The following BTRC variants were observed in gnomAD, a reference collection of about 807,000 sequenced individuals.
BTRC encodes F-box/WD repeat-containing protein 1A.
Under a neutral mutation model 85.5 loss-of-function variants are expected in BTRC, and 42 were observed. That is an observed-to-expected ratio of 0.49 (90% CI 0.38 to 0.64). The LOEUF (loss-of-function observed/expected upper bound fraction) is 0.64, where lower values mean the gene tolerates loss of function less well. Ranked by LOEUF, BTRC falls within the 30% of genes least tolerant of loss-of-function variation. BTRC has a pLI of 0.00. For missense variants in BTRC, 594 were observed against 743.5 expected (o/e 0.80, Z 2.34); for synonymous variants, 255 against 263.3 (o/e 0.97, Z 0.30).
chr10:101,413,448 G>T (rs947330993), intron 1 of BTRC, among the ~76,000 whole-genome samples: 1 of 152,162 alleles, frequency 6.6e-6, no homozygotes, highest in Admixed American at 6.5e-5. Flanking sequence ...CGAGTAGCTG[G>T]GACTACAGGC....
chr10:101,525,394 T>A (rs1030728479), intron 5 of BTRC, among the ~76,000 whole-genome samples: 6 of 152,222 alleles, frequency 3.9e-5, no homozygotes, highest in Admixed American at 2.6e-4. Flanking sequence ...ATAGTTTTTT[T>A]AAATCTGAAA....
At chr10:101,432,839 C>T (rs923890289) in intron 2 of BTRC, among the ~76,000 whole-genome samples, 1 of 152,148 alleles carries the variant, frequency 6.6e-6, no homozygotes, top group Non-Finnish European at 1.5e-5. Context: ...TTACTGCCTC[C>T]CAGCCGCAGT....
At chr10:101,400,370 C>G (rs1943464322) in intron 1 of BTRC, among the ~76,000 whole-genome samples, 1 of 152,140 alleles carries the variant, frequency 6.6e-6, no homozygotes, top group Non-Finnish European at 1.5e-5. Flanking sequence ...AAGGAGTACC[C>G]AAGAGGGCTG....
intron 2 of BTRC, among the ~76,000 whole-genome samples, chr10:101,437,940 A>G (rs1363336054): frequency 6.6e-6 from 1 of 152,190 alleles, no homozygotes; most frequent in Admixed American, 6.5e-5. Flanking sequence ...CTAGAATTAA[A>G]GTCTTCCCTG....
chr10:101,474,251 T>C (rs1374320533), intron 3 of BTRC, among the ~76,000 whole-genome samples: 7 of 152,250 alleles, frequency 4.6e-5, no homozygotes, highest in Non-Finnish European at 4.4e-5. Flanking sequence ...ATTAAATTAC[T>C]GGCTGATCAC....
chr10:101,408,072 C>T (rs1943677292), intron 1 of BTRC, among the ~76,000 whole-genome samples: 1 of 152,070 alleles, frequency 6.6e-6, no homozygotes, highest in Non-Finnish European at 1.5e-5. Flanking sequence ...TTAGATATTT[C>T]ACTTTTTTGT....
intron 2 of BTRC, among the ~76,000 whole-genome samples, chr10:101,461,365 T>G (rs4244344): frequency 0.033 from 5,004 of 152,224 alleles, 103 homozygotes; most frequent in East Asian, 0.11. Context: ...TCATTTTCAG[T>G]TGGATTGTTG....
intron 1 of BTRC, among the ~76,000 whole-genome samples, chr10:101,360,160 T>A (rs893844196): frequency 2.0e-5 from 3 of 151,874 alleles, no homozygotes; most frequent in Non-Finnish European, 4.4e-5. Flanking sequence ...GTTCAAGCAA[T>A]TCTTGTGCCT....
At chr10:101,542,945 C>T (rs1278279821) in intron 13 of BTRC, among the ~76,000 whole-genome samples, 1 of 152,126 alleles carries the variant, frequency 6.6e-6, no homozygotes, top group Non-Finnish European at 1.5e-5. Flanking sequence ...GGCACGATGT[C>T]GGCTCACTGC....
chr10:101,384,825 G>A (rs1564740329), intron 1 of BTRC, among the ~76,000 whole-genome samples: 1 of 152,168 alleles, frequency 6.6e-6, no homozygotes, highest in African/African-American at 2.4e-5. Flanking sequence ...TAAAAGATAG[G>A]AAGATCAACT....
At position 101,370,605 on chromosome 10, in the gene BTRC, T is replaced by TTCCC. The variant is rs889377423; in HGVS notation, c.48+16395_48+16398dup. ...GCTTATCCCAAGATCATACAGATCC[T>TTCCC]TCCCTCCCTCCCTCCCTCCCTTTCT... On this transcript the variant is annotated intron_variant, in intron 1 of 14. Transcript: ENST00000370187. 1.1e-4 allele frequency among the ~76,000 whole-genome samples: 16 copies of TTCCC among 151,482 alleles called. 1 individual carries two copies. Among genetic ancestry groups the TTCCC allele is most frequent in the Non-Finnish European group, 1.5e-4 (10 of 67,854 alleles).
chr10:101,364,063 C>T (rs1942293491), intron 1 of BTRC, among the ~76,000 whole-genome samples: 1 of 151,988 alleles, frequency 6.6e-6, no homozygotes, highest in South Asian at 2.1e-4. Context: ...GTAACTTGCA[C>T]AATACTATAG....
At chr10:101,511,722 A>G (rs2061957401) in intron 4 of BTRC, among the ~76,000 whole-genome samples, 2 of 152,260 alleles carry the variant, frequency 1.3e-5, no homozygotes, top group South Asian at 2.1e-4. Context: ...GGATTTCGCT[A>G]TGTATGCCTG....
intron 13 of BTRC, among the ~76,000 whole-genome samples, chr10:101,548,336 C>A (rs142019282): frequency 4.2e-4 from 64 of 152,234 alleles, no homozygotes; most frequent in African/African-American, 1.5e-3. Context: ...CTATGTCCAC[C>A]AACAAGAGAA....
At chr10:101,524,147 A>G (rs1033149755) in intron 5 of BTRC, among the ~76,000 whole-genome samples, 1 of 152,198 alleles carries the variant, frequency 6.6e-6, no homozygotes, top group Non-Finnish European at 1.5e-5. Flanking sequence ...AAAACAAAAG[A>G]AGTACCTATT....
chr10:101,537,204 T>A (rs1003583767), intron 12 of BTRC, among the ~76,000 whole-genome samples: 1 of 152,216 alleles, frequency 6.6e-6, no homozygotes, highest in Non-Finnish European at 1.5e-5. Flanking sequence ...ATGGACCCCA[T>A]GTCCACCAAT....
chr10:101,436,240 A>T (rs1025593333), intron 2 of BTRC, among the ~76,000 whole-genome samples: 5 of 152,214 alleles, frequency 3.3e-5, no homozygotes, highest in Non-Finnish European at 5.9e-5. Flanking sequence ...CTATAATATT[A>T]AATGAGAATG....
intron 3 of BTRC, among the ~76,000 whole-genome samples, chr10:101,475,567 C>A (rs1345510104): frequency 6.6e-6 from 1 of 150,478 alleles, no homozygotes; most frequent in African/African-American, 2.4e-5. Flanking sequence ...AAAAACAGAA[C>A]TGACTTTATA....
intron 3 of BTRC, among the ~76,000 whole-genome samples, chr10:101,472,905 G>C (rs1193871691): frequency 6.6e-6 from 1 of 152,062 alleles, no homozygotes; most frequent in Admixed American, 6.5e-5. Flanking sequence ...GTTTTCAGCA[G>C]TTCTGACTGT....
Sources: allele counts gnomAD v4.1 joint callset (sites outside exome capture counted in the v4.1 genomes callset), GRCh38; gene constraint gnomAD v4.1.1; transcripts MANE v1.5; gene names NCBI Gene and HGNC (gene_info 2026-07-23, HGNC 2026-07-21).